The following NBAS variants were observed in gnomAD, a reference collection of about 807,000 sequenced individuals.
NBAS encodes NBAS subunit of NRZ tethering complex, also known as NAG/BC035112 fusion.
A neutral mutation model predicts 302.5 loss-of-function variants in NBAS; 219 were observed. The ratio of observed to expected loss-of-function variants is 0.72; its 90% CI spans 0.65 to 0.81. The LOEUF is 0.81. NBAS is among the 30% of genes least tolerant of loss of function. The pLI is 0.00. For synonymous variants in NBAS, 1,118 were observed against 1,021.6 expected (o/e 1.09, Z -1.80); for missense variants, 2,932 against 2,841.6 (o/e 1.03, Z -0.72).
chr2:15,047,089 G>A, the NBAS span, among the ~76,000 whole-genome samples: 53,907 of 152,152 alleles, frequency 0.35, 9,735 homozygotes, highest in South Asian at 0.42. Context: ...ATGGATTGAA[G>A]CAAGGAGCTT....
At chr2:15,200,902 C>T (rs1290197279) in intron 48 of NBAS, among the ~76,000 whole-genome samples, 1 of 152,172 alleles carries the variant, frequency 6.6e-6, no homozygotes, top group Non-Finnish European at 1.5e-5. Flanking sequence ...AAATATGCAT[C>T]TTCCTACAGG....
chr2:15,199,410 G>C (rs1033747830), intron 48 of NBAS, among the ~76,000 whole-genome samples: 1 of 152,076 alleles, frequency 6.6e-6, no homozygotes, highest in Non-Finnish European at 1.5e-5. Context: ...TTCTCTCTTT[G>C]CTAGAAAGTA....
At chr2:14,914,999 G>C in the NBAS span, among the ~76,000 whole-genome samples, 1 of 152,196 alleles carries the variant, frequency 6.6e-6, no homozygotes, top group African/African-American at 2.4e-5. Flanking sequence ...TTAAGCCACT[G>C]AGTTTTTTAT....
chr2:15,054,224 A>C, the NBAS span, among the ~76,000 whole-genome samples: 1 of 152,222 alleles, frequency 6.6e-6, no homozygotes, highest in Non-Finnish European at 1.5e-5. Context: ...TACCCATTTC[A>C]TAGGTAAGGA....
intron 21 of NBAS, among the ~76,000 whole-genome samples, chr2:15,438,599 G>C (rs1035373233): frequency 2.6e-5 from 4 of 152,212 alleles, no homozygotes; most frequent in African/African-American, 9.7e-5. Context: ...AGTGAGCCCA[G>C]CAGCGCCCTC....
intron 48 of NBAS, among the ~76,000 whole-genome samples, chr2:15,214,892 T>C (rs577949916): frequency 2.0e-5 from 3 of 152,210 alleles, no homozygotes. Flanking sequence ...ACTAATTCTT[T>C]TGGTGATCGC....
intron 48 of NBAS, among the ~76,000 whole-genome samples, chr2:15,212,335 C>G (rs714329): frequency 2.0e-5 from 3 of 152,108 alleles, no homozygotes; most frequent in African/African-American, 7.2e-5. Context: ...TCCGTGTTGC[C>G]TGAGCAGCAC....
At position 15,443,813 on chromosome 2, in the gene NBAS, T is replaced by C. The variant is rs547295056; in HGVS notation, c.2340-16019A>G. ...AAGCAACTTCAGCAAAGTCTCAGGA[T>C]ACAAAATCAATGTACAAAAATCACA... On this transcript the variant is annotated intron_variant, in intron 21 of 51. Transcript: ENST00000281513. Among the ~76,000 whole-genome samples the C allele has an allele frequency of 6.6e-3, 1,011 of 152,104 alleles. 11 individuals are homozygous for C. Among genetic ancestry groups the C allele is most frequent in the African/African-American group, 0.022 (921 of 41,432 alleles).
chr2:14,939,384 A>G, the NBAS span, among the ~76,000 whole-genome samples: 7 of 152,238 alleles, frequency 4.6e-5, no homozygotes, highest in Admixed American at 4.6e-4. Context: ...AGATGATTTC[A>G]ATAATTTAAT....
downstream of NBAS, among the ~76,000 whole-genome samples, chr2:15,164,288 A>C (rs1663963063): frequency 6.6e-6 from 1 of 152,252 alleles, no homozygotes; most frequent in African/African-American, 2.4e-5. Context: ...CAGGATGCCC[A>C]CCAGGTTCTC....
At chr2:14,979,807 T>C in the NBAS span, among the ~76,000 whole-genome samples, 3 of 152,126 alleles carry the variant, frequency 2.0e-5, no homozygotes, top group Admixed American at 6.5e-5. Flanking sequence ...ATAGATACTG[T>C]TGGAAGCCTC....
At chr2:14,815,209 A>G in the NBAS span, among the ~76,000 whole-genome samples, 1 of 152,198 alleles carries the variant, frequency 6.6e-6, no homozygotes, top group Non-Finnish European at 1.5e-5. Context: ...TTTTCAGATC[A>G]AAACAGGTTA....
the NBAS span, among the ~76,000 whole-genome samples, chr2:15,144,004 T>C: frequency 1.4e-5 from 2 of 144,930 alleles, no homozygotes; most frequent in African/African-American, 2.6e-5. Flanking sequence ...GACCTTGTGG[T>C]TGTGTGAGTT....
At chr2:14,845,208 A>T in the NBAS span, among the ~76,000 whole-genome samples, 1 of 152,220 alleles carries the variant, frequency 6.6e-6, no homozygotes, top group South Asian at 2.1e-4. Context: ...CAGAACACAA[A>T]GATAAATTCC....
chr2:14,968,422 G>C, the NBAS span, among the ~76,000 whole-genome samples: 2 of 151,818 alleles, frequency 1.3e-5, no homozygotes, highest in African/African-American at 4.8e-5. Context: ...TGTTTGGTTG[G>C]CTTTGGGTTT....
At chr2:15,410,316 A>G (rs1195699516) in intron 25 of NBAS, among the ~76,000 whole-genome samples, 1 of 152,228 alleles carries the variant, frequency 6.6e-6, no homozygotes, top group African/African-American at 2.4e-5. Context: ...GAGAAACTAA[A>G]TGTAGCCCAA....
At chr2:14,936,468 G>A in the NBAS span, among the ~76,000 whole-genome samples, 1 of 152,150 alleles carries the variant, frequency 6.6e-6, no homozygotes, top group Non-Finnish European at 1.5e-5. Flanking sequence ...AGACATCTGG[G>A]GCAGAACAAA....
intron 31 of NBAS, among the ~76,000 whole-genome samples, chr2:15,372,551 G>A (rs1276213893): frequency 6.6e-6 from 1 of 152,102 alleles, no homozygotes; most frequent in East Asian, 1.9e-4. Flanking sequence ...GAATACAAAA[G>A]AAGCTAAAAC....
intron 44 of NBAS, among the ~76,000 whole-genome samples, chr2:15,253,892 T>C (rs76258038): frequency 0.034 from 5,146 of 152,240 alleles, 301 homozygotes; most frequent in African/African-American, 0.12. Context: ...ATCTTGCCTT[T>C]AGCCTTCAAG....
Sources: gnomAD v4.1 joint callset for allele counts (sites outside exome capture counted in the v4.1 genomes callset) on GRCh38, gnomAD v4.1.1 for gene constraint, MANE v1.5 for transcripts, NCBI Gene and HGNC (gene_info 2026-07-23, HGNC 2026-07-21) for gene names.